DLG3: variants seen among roughly 807,000 people sequenced by gnomAD.
DLG3 encodes discs large MAGUK scaffold protein 3.
Under a neutral mutation model 64.1 loss-of-function variants are expected in DLG3, and 1 was observed. That is an observed-to-expected ratio of 0.02 (90% CI 0.01 to 0.07). DLG3 has a LOEUF of 0.07. Among genes scored for constraint, DLG3 ranks in the 10% least tolerant of loss-of-function variants. The pLI is 1.00. For synonymous variants in DLG3, 245 were observed against 259.8 expected, an observed-to-expected ratio of 0.94 and a Z score of 0.55; for missense variants, 429 against 669.5, an observed-to-expected ratio of 0.64 and a Z score of 3.96.
At chrX:70,502,080 G>T (rs1398028109) in intron 18 of DLG3, 83 bp from the exon 19 acceptor site, 4 of 717,554 alleles carry the variant, frequency 5.6e-6, no homozygotes, top group Non-Finnish European at 8.7e-6. Context: ...GGACTTGTAG[G>T]ATTGTTGGGA....
rs143475044 is a variant in DLG3 at position 70,465,573 on chromosome X, T to G, written c.1405+11257T>G. 6.9e-3 allele frequency among the ~76,000 whole-genome samples: 778 copies of G among 112,242 alleles called. 7 individuals carry two copies. Among genetic ancestry groups the G allele is most frequent in the African/African-American group, 0.024 (733 of 30,984 alleles). ...TGGAAAATTGGAAAATACAGAAAAA[T>G]ACAAAGTAAAGTAAATTCAAATCAT... On this transcript the variant is annotated intron_variant, in intron 9 of 18. Coordinates refer to ENST00000374360, the MANE Select transcript of DLG3 (RefSeq NM_021120.4).
chrX:70,458,145 G>C (rs1468980208), intron 9 of DLG3, among the ~76,000 whole-genome samples: 2 of 111,466 alleles, frequency 1.8e-5, no homozygotes, highest in Non-Finnish European at 3.8e-5. Context: ...CAAAGTGCTG[G>C]GATTACAGGT....
chrX:70,479,346 G>A (rs772881027), intron 10 of DLG3, 82 bp downstream of exon 10: 1 of 720,078 alleles, frequency 1.4e-6, no homozygotes, highest in Non-Finnish European at 2.2e-6. Context: ...TTTAACTAGT[G>A]GGCTAGGGAG....
At chrX:70,449,293 G>A in intron 2 of DLG3, 66 bp from the exon 3 acceptor site, 1 of 1,197,624 alleles carries the variant, frequency 8.3e-7, no homozygotes, top group Non-Finnish European at 1.1e-6. Context: ...GGGGAGATGA[G>A]GTACCCAGAA....
intron 10 of DLG3, among the ~76,000 whole-genome samples, chrX:70,488,587 G>A (rs1387072229): frequency 8.9e-6 from 1 of 111,948 alleles, no homozygotes; most frequent in East Asian, 2.8e-4. Flanking sequence ...GATTGTTGAG[G>A]GAATTGGGAA....
At position 70,499,164 on chromosome X, in the gene DLG3, C is replaced by G. The variant is rs770445211; in HGVS notation, c.1871-12C>G. On this transcript the variant is annotated splice_polypyrimidine_tract_variant and intron_variant, in intron 14 of 18. Transcript: ENST00000374360. ...GGCCTCTGTTCACTGTCTCGATGCT[C>G]TCCCTCTCTAGTTCACTATGCAAGG... is the stretch of plus-strand genomic sequence containing the variant. 1.7e-6 allele frequency: 2 copies of G among 1,180,314 alleles called. No individual in the cohort carries two copies. Among genetic ancestry groups the G allele is most frequent in the Admixed American group, 4.4e-5 (2 of 45,908 alleles).
intron 9 of DLG3, among the ~76,000 whole-genome samples, chrX:70,462,446 C>T (rs185671654): frequency 1.8e-5 from 2 of 109,181 alleles, no homozygotes; most frequent in African/African-American, 3.3e-5. Context: ...AATGGGGTTT[C>T]GCCATGTTAG....
intron 2 of DLG3, 93 bp downstream of exon 2, chrX:70,449,056 G>T: frequency 9.9e-7 from 1 of 1,011,272 alleles, no homozygotes; most frequent in South Asian, 2.0e-5. Context: ...AGACCCATGG[G>T]GGGACCTGCA....
intron 10 of DLG3, among the ~76,000 whole-genome samples, chrX:70,489,746 A>G (rs1332139340): frequency 8.9e-6 from 1 of 112,513 alleles, no homozygotes; most frequent in Non-Finnish European, 1.9e-5. Context: ...CCAAAGGTCA[A>G]GCATGGTTCT....
rs140208240 is a variant in DLG3, at chrX:70,502,253, C to T, written c.2438C>T (p.Ser813Phe). ...DQSGHYIWVP[S>F]PEKL ...TCTGGGCACTACATTTGGGTCCCATCCCCTGAAAAACTCTGAAGAATCCCC... is the reference window on the plus strand; with the variant it reads ...TCTGGGCACTACATTTGGGTCCCATTCCCTGAAAAACTCTGAAGAATCCCC... Residue 813 changes from serine to phenylalanine, a missense_variant, in exon 19 of 19, where the codon TCC becomes TTC. Physicochemically the swap from Ser to Phe is radical, Grantham distance 155. This residue lies in a region of DLG3 where 48 missense variants were observed against 69.5 expected (regional missense o/e 0.69). Transcript: ENST00000374360. The T allele has an allele frequency of 1.6e-5, 19 of 1,198,210 alleles. No individual in the cohort carries two copies. The highest frequency in any genetic ancestry group is 2.0e-5 in the Non-Finnish European group (18 of 885,911).
intron 9 of DLG3, among the ~76,000 whole-genome samples, chrX:70,458,226 G>A (rs1360273762): frequency 1.8e-5 from 2 of 110,849 alleles, no homozygotes; most frequent in Non-Finnish European, 3.8e-5. Flanking sequence ...TGCCTAGGCT[G>A]GTCTTGAACT....
intron 9 of DLG3, among the ~76,000 whole-genome samples, chrX:70,460,134 T>A (rs1232308451): frequency 9.1e-6 from 1 of 109,750 alleles, no homozygotes; most frequent in Non-Finnish European, 1.9e-5. Context: ...AATACAAAAA[T>A]TAGCTGGGTG....
intron 15 of DLG3, 138 bp downstream of exon 15, chrX:70,499,415 A>G: frequency 1.9e-6 from 1 of 525,140 alleles, no homozygotes; most frequent in Non-Finnish European, 3.3e-6. Flanking sequence ...GGAAAACAGT[A>G]GGTGGCAATA....
chrX:70,452,463 CT>C (rs993064092), intron 7 of DLG3: 16 of 976,154 alleles, frequency 1.6e-5, no homozygotes, highest in Non-Finnish European at 2.1e-5. Flanking sequence ...CCCCGCCCCG[CT>C]GGCGGCAGCG....
intron 9 of DLG3, among the ~76,000 whole-genome samples, chrX:70,467,112 C>T (rs1377663890): frequency 9.0e-6 from 1 of 110,716 alleles, no homozygotes; most frequent in Non-Finnish European, 1.9e-5. Flanking sequence ...GATGGGGTCT[C>T]ACTGTGTTGC....
intron 7 of DLG3, chrX:70,452,928 G>A (rs2086641190): frequency 2.3e-6 from 1 of 435,900 alleles, no homozygotes; most frequent in African/African-American, 2.5e-5. Flanking sequence ...GAGTTGGGCG[G>A]ATGACACTGT....
In DLG3 at chrX:70,445,398, C is replaced by T. The variant is rs753368389; in HGVS notation, c.197C>T (p.Thr66Ile). The change falls in exon 1 of 19, where the codon ACC (threonine) becomes ATC (isoleucine). Residue 66 changes from threonine (T) to isoleucine (I), a missense_variant. By Grantham distance (89) the Thr-to-Ile change is moderately conservative (BLOSUM62 -1). Coordinates refer to ENST00000374360, the MANE Select transcript of DLG3 (RefSeq NM_021120.4). ...SQTLPSQAGA[T>I]PTPRTKAKLI... ...ACCTTGCCCTCGCAGGCGGGGGCCACCCCCACCCCTCGCACCAAGGCCAAG... is the reference window on the plus strand; with the variant it reads ...ACCTTGCCCTCGCAGGCGGGGGCCATCCCCACCCCTCGCACCAAGGCCAAG... 1.3e-5 allele frequency: 15 copies of T among 1,182,237 alleles called. No homozygotes were observed. In the East Asian group the frequency reaches 4.4e-4, roughly 35 times the overall value.
At chrX:70,475,380 CAG>C (rs1341672207) in intron 9 of DLG3, among the ~76,000 whole-genome samples, 1 of 111,277 alleles carries the variant, frequency 9.0e-6, no homozygotes, top group East Asian at 2.8e-4. Context: ...TTGTTTGAGA[CAG>C]AGTCTTGCTC....
chrX:70,492,787 C>G (rs1252594094), intron 12 of DLG3, among the ~76,000 whole-genome samples, 191 bp downstream of exon 12: 1 of 112,406 alleles, frequency 8.9e-6, no homozygotes, highest in African/African-American at 3.2e-5. Context: ...CACAGCCAGT[C>G]TGTGCTCCTT....
Sources: gnomAD v4.1 joint callset for allele counts (sites outside exome capture counted in the v4.1 genomes callset) on GRCh38, gnomAD v4.1.1 for gene constraint, gnomAD v4.1.1 regional missense constraint, MANE v1.5 for transcripts, NCBI Gene and HGNC (gene_info 2026-07-23, HGNC 2026-07-21) for gene names.